ADIPOR2: variants seen among roughly 807,000 people sequenced by gnomAD.
ADIPOR2 encodes adiponectin receptor 2.
ADIPOR2 carries 18 observed loss-of-function variants against 40.9 expected under a neutral mutation model. The ratio of observed to expected loss-of-function variants is 0.44; its 90% confidence interval spans 0.30 to 0.65. The LOEUF (loss-of-function observed/expected upper bound fraction) is 0.65, where lower values mean the gene tolerates loss of function less well. Ranked by LOEUF, ADIPOR2 falls within the 30% of genes least tolerant of loss-of-function variation. The pLI is 0.09. For synonymous variants in ADIPOR2, 165 were observed against 166.4 expected, an observed-to-expected ratio of 0.99 and a Z score of 0.06; for missense variants, 283 against 479.2, an observed-to-expected ratio of 0.59 and a Z score of 3.82.
intron 1 of ADIPOR2, among the ~76,000 whole-genome samples, chr12:1,718,969 C>T (rs2094692778): frequency 6.6e-6 from 1 of 152,164 alleles, no homozygotes; most frequent in Non-Finnish European, 1.5e-5. Flanking sequence ...AGGAAATAAA[C>T]TGCTGTTTGA....
chr12:1,713,166 G>A (rs2154441822), intron 1 of ADIPOR2, among the ~76,000 whole-genome samples: 1 of 152,240 alleles, frequency 6.6e-6, no homozygotes, highest in South Asian at 2.1e-4. Flanking sequence ...CAAAGGCAAA[G>A]AGAAACTGGG....
intron 1 of ADIPOR2, among the ~76,000 whole-genome samples, chr12:1,693,442 TTC>T (rs996805446): frequency 2.0e-5 from 3 of 152,200 alleles, no homozygotes; most frequent in Non-Finnish European, 4.4e-5. Context: ...GGGGCTTTTT[TTC>T]TGTGATTATA....
chr12:1,757,611 A>G, intron 2 of ADIPOR2: 1 of 1,252,358 alleles, frequency 8.0e-7, no homozygotes, highest in Non-Finnish European at 1.2e-6. Flanking sequence ...GAGTCACCAG[A>G]TGAGGGATTC....
At chr12:1,714,752 C>T (rs981127957) in intron 1 of ADIPOR2, among the ~76,000 whole-genome samples, 8 of 152,104 alleles carry the variant, frequency 5.3e-5, no homozygotes, top group African/African-American at 1.7e-4. Flanking sequence ...GACTGAGATG[C>T]CAGGTATCTC....
intron 1 of ADIPOR2, among the ~76,000 whole-genome samples, chr12:1,706,114 T>G (rs1426297967): frequency 6.6e-6 from 1 of 152,214 alleles, no homozygotes; most frequent in Non-Finnish European, 1.5e-5. Context: ...AACTACTTAC[T>G]TTTGTGGGAG....
chr12:1,724,280 C>T (rs999737952), intron 1 of ADIPOR2, among the ~76,000 whole-genome samples: 2 of 152,190 alleles, frequency 1.3e-5, no homozygotes, highest in Non-Finnish European at 1.5e-5. Flanking sequence ...CGCACCCGGC[C>T]ACAAAGTGGA....
chr12:1,753,005 GA>G (rs1862034949), intron 1 of ADIPOR2, among the ~76,000 whole-genome samples: 1 of 152,130 alleles, frequency 6.6e-6, no homozygotes, highest in African/African-American at 2.4e-5. Context: ...AGCCCTTGGA[GA>G]AATCCTACAG....
At chr12:1,735,401 G>T (rs1207209690) in intron 1 of ADIPOR2, among the ~76,000 whole-genome samples, 1 of 152,136 alleles carries the variant, frequency 6.6e-6, no homozygotes, top group Non-Finnish European at 1.5e-5. Context: ...CTGTTTGTCT[G>T]TTATTGGTTT....
At chr12:1,762,111 T>C (rs755573547) in intron 2 of ADIPOR2, among the ~76,000 whole-genome samples, 1 of 152,206 alleles carries the variant, frequency 6.6e-6, no homozygotes, top group Non-Finnish European at 1.5e-5. Context: ...CCTTCAAACA[T>C]GGCTCTTTCC....
chr12:1,712,306 A>G (rs937654110), intron 1 of ADIPOR2, among the ~76,000 whole-genome samples: 1 of 152,124 alleles, frequency 6.6e-6, no homozygotes, highest in Admixed American at 6.5e-5. Flanking sequence ...TCGGTCCCTC[A>G]AGGAGTAGCA....
intron 1 of ADIPOR2, among the ~76,000 whole-genome samples, chr12:1,701,343 T>C (rs996341401): frequency 6.6e-6 from 1 of 152,118 alleles, no homozygotes; most frequent in East Asian, 1.9e-4. Context: ...CCCAGGCTGG[T>C]CTCCTGTGCT....
chr12:1,753,568 C>G (rs548136538), intron 1 of ADIPOR2, among the ~76,000 whole-genome samples: 1 of 152,080 alleles, frequency 6.6e-6, no homozygotes, highest in African/African-American at 2.4e-5. Flanking sequence ...CAGAATAACT[C>G]AAAAAAGTTG....
chr12:1,734,233 TAA>T (rs1187637711), intron 1 of ADIPOR2, among the ~76,000 whole-genome samples: 1 of 152,216 alleles, frequency 6.6e-6, no homozygotes, highest in Non-Finnish European at 1.5e-5. Context: ...CCCAACAGTG[TAA>T]AAGTGTTCCT....
At chr12:1,708,185 G>T (rs1184189885) in intron 1 of ADIPOR2, among the ~76,000 whole-genome samples, 2 of 126,558 alleles carry the variant, frequency 1.6e-5, no homozygotes, top group Non-Finnish European at 3.8e-5. Context: ...TGCAAATATG[G>T]GTTTTTTTTT....
At chr12:1,720,322 A>G (rs1052395025) in intron 1 of ADIPOR2, among the ~76,000 whole-genome samples, 4 of 152,080 alleles carry the variant, frequency 2.6e-5, no homozygotes, top group African/African-American at 9.7e-5. Flanking sequence ...ATGGAAGACA[A>G]TTTTTCCATG....
rs183879926 is a variant in ADIPOR2 at position 1,706,516 on chromosome 12, T to C, written c.-87+15325T>C. Among the ~76,000 whole-genome samples, 751 of 152,316 alleles carry C rather than the reference T, an allele frequency of 4.9e-3. 6 individuals are homozygous for C. The highest frequency in any genetic ancestry group is 0.011 in the South Asian group (51 of 4,828). ...TATTACTTGGCTAAAATACAAATAA[T>C]GTGACTCAATAGTTTCTCAAAATTT... On this transcript the variant is annotated intron_variant, in intron 1 of 7. Transcript: ENST00000357103.
At chr12:1,711,814 C>T (rs903837696) in intron 1 of ADIPOR2, among the ~76,000 whole-genome samples, 1 of 152,068 alleles carries the variant, frequency 6.6e-6, no homozygotes, top group South Asian at 2.1e-4. Flanking sequence ...GTAAGACTGC[C>T]ACCTCCTTGG....
intron 1 of ADIPOR2, among the ~76,000 whole-genome samples, chr12:1,720,306 G>C (rs1200742072): frequency 6.6e-6 from 1 of 152,150 alleles, no homozygotes; most frequent in Non-Finnish European, 1.5e-5. Flanking sequence ...GAATACCACT[G>C]GTTTCATGGA....
intron 2 of ADIPOR2, among the ~76,000 whole-genome samples, chr12:1,769,732 G>C (rs1862457916): frequency 6.6e-6 from 1 of 152,098 alleles, no homozygotes; most frequent in African/African-American, 2.4e-5. Context: ...AGTAGAGACA[G>C]GGTTTCACCA....
Sources: allele counts gnomAD v4.1 joint callset (sites outside exome capture counted in the v4.1 genomes callset), GRCh38; gene constraint gnomAD v4.1.1; transcripts MANE v1.5; gene names NCBI Gene and HGNC (gene_info 2026-07-23, HGNC 2026-07-21).